The following SHOX2 variants were observed in gnomAD, a reference collection of about 807,000 sequenced individuals.
The protein encoded by SHOX2 is short stature homeobox protein 2.
In SHOX2, 13 loss-of-function variants were observed where a neutral mutation model predicts 31.3. That is an observed-to-expected ratio of 0.42 (90% CI 0.27 to 0.66). The LOEUF is 0.66. Ranked by LOEUF, SHOX2 falls within the 30% of genes least tolerant of loss-of-function variation. The pLI is 0.27. For synonymous variants in SHOX2, 244 were observed against 196.2 expected, an observed-to-expected ratio of 1.24 and a Z score of -2.04; for missense variants, 473 against 443.0, an observed-to-expected ratio of 1.07 and a Z score of -0.61.
At chr3:158,103,170 C>T (rs987543779) in intron 1 of SHOX2, 7 of 510,286 alleles carry the variant, frequency 1.4e-5, no homozygotes, top group Admixed American at 3.3e-5. Context: ...CACCGCCTCA[C>T]TATTCACCCC....
rs142921456 is a variant in SHOX2 at position 158,098,227 on chromosome 3, G to A, written c.760C>T (p.Pro254Ser). 5.3e-5 allele frequency: 86 copies of A among 1,613,970 alleles called. No individual in the cohort carries two copies. The highest frequency in any genetic ancestry group is 1.3e-4 in the South Asian group (12 of 91,048). Residue 254 changes from proline to serine, a missense_variant, in exon 5 of 5, where the codon CCG (proline) becomes TCG (serine). Physicochemically the swap from Pro to Ser is moderately conservative, Grantham distance 74. This residue lies in a region of SHOX2 where 182 missense variants were observed against 167.2 expected (regional missense o/e 1.09). Coordinates refer to ENST00000483851, the MANE Select transcript of SHOX2 (RefSeq NM_001163678.2). ...TAGGGCGCGTGCGCGGCCAGGTGCG[G>A]ATGCAGGTGGTGGTGCGCGTGCGCC... ...AVAHAHHHLH[P>S]HLAAHAPYMM...
chr3:158,105,228 G>A (rs564381782), intron 1 of SHOX2: 9 of 741,770 alleles, frequency 1.2e-5, no homozygotes, highest in Admixed American at 4.2e-5. Flanking sequence ...CTAGGCGACC[G>A]GAGGGTTAAG....
At position 158,105,658 on chromosome 3, in the gene SHOX2, G is replaced by A. The variant is rs528073381; in HGVS notation, c.346+21C>T. Reference sequence around the variant, plus strand: ...GAAGGCGGGAAGGGGAACCGCTGCCGGGGGTCAGTCAGGTCGTTACCCTCC... The same window carrying A: ...GAAGGCGGGAAGGGGAACCGCTGCCAGGGGTCAGTCAGGTCGTTACCCTCC... On this transcript the variant is annotated intron_variant, in intron 1 of 4. Coordinates refer to ENST00000483851, the MANE Select transcript of SHOX2 (RefSeq NM_001163678.2). 4 of 1,515,126 alleles carry A rather than the reference G, an allele frequency of 2.6e-6. No individual in the cohort carries two copies. The South Asian group carries it at 3.6e-5, about 14-fold the overall frequency. The allele number at this position is 1,515,126 out of a possible 1,614,324, so 93.9% of individuals were successfully genotyped here. A position where few individuals can be genotyped will look rare whatever the true frequency, so the allele number is the denominator to read the frequency against.
rs1171569203 is a variant in SHOX2, at chr3:158,106,230, TAAG to T, written c.-209_-207del. ...GGAGAAGTAGAAGGAGAAAAAGAAG[TAAG>T]AAGAGGAGGAGGAGGAAGAAGAGGA... On this transcript the variant is annotated 5_prime_UTR_variant, in exon 1 of 5. Transcript: ENST00000483851. The T allele has an allele frequency of 4.2e-6, 3 of 715,552 alleles. No individual in the cohort carries two copies. The highest frequency in any genetic ancestry group is 3.9e-5 in the Admixed American group (1 of 25,370). The allele number at this position is 715,552 out of a possible 1,614,324, so 44.3% of individuals were successfully genotyped here. A position where few individuals can be genotyped will look rare whatever the true frequency, so the allele number is the denominator to read the frequency against.
intron 1 of SHOX2, 194 bp from the exon 2 acceptor site, chr3:158,103,080 G>A (rs1481932647): frequency 1.5e-6 from 1 of 647,046 alleles, no homozygotes. Flanking sequence ...TCCCGGAGAA[G>A]CGCAAAGGTC....
At position 158,106,183 on chromosome 3, in the gene SHOX2, G is replaced by A; in HGVS notation, c.-159C>T. The stretch of plus-strand genomic sequence containing the variant: ...AGGAGGAGAAAGAAGAAGAAAAAGA[G>A]GAGAAGAAAGAAGAAAGAGGAGGAG... On this transcript the variant is annotated 5_prime_UTR_variant, in exon 1 of 5. Transcript: ENST00000483851. 8.2e-7 allele frequency: 1 copy of A among 1,225,608 alleles called. No homozygotes were observed. The highest frequency in any genetic ancestry group is 1.1e-6 in the Non-Finnish European group (1 of 901,874). The allele number at this position is 1,225,608 out of a possible 1,614,324, so 75.9% of individuals were successfully genotyped here.
In SHOX2 at chr3:158,098,114, TGCGGCCGCCACTACC is replaced by T; in HGVS notation, c.858_872del (p.Val287_Ala291del). 1 of 1,610,748 alleles carries T rather than the reference TGCGGCCGCCACTACC, an allele frequency of 6.2e-7. No individual in the cohort carries two copies. Among genetic ancestry groups the T allele is most frequent in the Non-Finnish European group, 8.5e-7 (1 of 1,179,126 alleles). On this transcript the variant is annotated inframe_deletion, in exon 5 of 5. Transcript: ENST00000483851. The stretch of plus-strand genomic sequence containing the variant: ...TCTTGCTGGTGGTCTTGGCGGCTGC[TGCGGCCGCCACTACC>T]GAGGCGGCGGAAGCCGAATCCGCGG...
In SHOX2 at chr3:158,099,886, C is replaced by T; in HGVS notation, c.676G>A (p.Gly226Ser). The T allele has an allele frequency of 6.2e-7, 1 of 1,614,114 alleles. No homozygotes were observed. Among genetic ancestry groups the T allele is most frequent in the Non-Finnish European group, 8.5e-7 (1 of 1,180,000 alleles). The part of the protein sequence containing the change: ...ACRVAPYVNV[G>S]ALRMPFQQVQ... ...TGCTGAAATGGCATCCTTAAAGCAC[C>T]TACGTTGACATAAGGTGCGACTCTA... is the stretch of plus-strand genomic sequence containing the variant. The change falls in exon 4 of 5, where the codon GGT (glycine) becomes AGT (serine). Residue 226 changes from glycine (G) to serine (S), a missense_variant. Coordinates refer to ENST00000483851, the MANE Select transcript of SHOX2 (RefSeq NM_001163678.2).
chr3:158,100,377 A>C, intron 2 of SHOX2, 66 bp from the exon 3 acceptor site: 2 of 1,220,632 alleles, frequency 1.6e-6, no homozygotes, highest in Non-Finnish European at 1.2e-6. Flanking sequence ...TTTAAATTAC[A>C]AAAGTACAAA....
In SHOX2 at chr3:158,102,651, G is replaced by A. The variant is rs781087760; in HGVS notation, c.555+27C>T. ...ACCCCAGGCTCTCTCTGCTCCCTGG[G>A]CCCTCGACCTCCTGGCAGCTGGGTA... On this transcript the variant is annotated intron_variant, in intron 2 of 4. Transcript: ENST00000483851. The A allele has an allele frequency of 4.4e-6, 7 of 1,603,338 alleles. No individual in the cohort carries two copies. In the South Asian group the frequency reaches 6.6e-5, roughly 15 times the overall value.
Position 158,100,318 on chromosome 3 carries a change from G to A in SHOX2, c.556-7C>T, listed in dbSNP as rs1010463445. On this transcript the variant is annotated splice_polypyrimidine_tract_variant and splice_region_variant and intron_variant, in intron 2 of 4. Transcript: ENST00000483851. ...TTCGATTTTGAAACCAAACCTATAG[G>A]TTGGAGGGGGAAAAAAAATAAAACC... 18 of 1,576,630 alleles carry A rather than the reference G, an allele frequency of 1.1e-5. No individual in the cohort carries two copies. The highest frequency in any genetic ancestry group is 2.1e-5 in the Admixed American group (1 of 48,040).
rs1713118621 is a variant in SHOX2, at chr3:158,096,889, A to AATATATATGTATAT, written c.*1137_*1138insATATACATATATAT. ...GTTCCCCAGGATCAAAGACAGGGCA[A>AATATATATGTATAT]ATATATATATATATATATATATATA... On this transcript the variant is annotated 3_prime_UTR_variant, in exon 5 of 5. Coordinates refer to ENST00000483851, the MANE Select transcript of SHOX2 (RefSeq NM_001163678.2). 1 of 23,098 alleles carries AATATATATGTATAT rather than the reference A, an allele frequency of 4.3e-5. No individual in the cohort carries two copies. The highest frequency in any genetic ancestry group is 6.3e-4 in the Admixed American group (1 of 1,588). 1.4% of individuals were successfully genotyped at this position (23,098 alleles called of 1,614,324 possible).
chr3:158,103,576 G>A (rs1300777976), intron 1 of SHOX2: 1 of 152,382 alleles, frequency 6.6e-6, no homozygotes, highest in African/African-American at 2.4e-5. Flanking sequence ...GGTAATCTCC[G>A]TCCCGCCTGC....
At chr3:158,098,812 G>A (rs544000086) in intron 4 of SHOX2, among the ~76,000 whole-genome samples, 22 of 152,222 alleles carry the variant, frequency 1.4e-4, no homozygotes, top group African/African-American at 5.1e-4. Context: ...CAGGGATCTC[G>A]TTAAAATTCA....
intron 2 of SHOX2, 136 bp downstream of exon 2, chr3:158,102,542 T>A (rs1713557676): frequency 1.5e-6 from 1 of 681,172 alleles, no homozygotes; most frequent in African/African-American, 1.8e-5. Context: ...ATAAGACCTC[T>A]AGTAAAGATA....
Position 158,102,857 on chromosome 3 carries a change from C to A in SHOX2, c.376G>T (p.Asp126Tyr), listed in dbSNP as rs1253169046. ...VSPELKDRKE[D>Y]AKGMEDEGQT... ...CCTTCGTCCTCCATCCCTTTCGCAT[C>A]CTCTTTGCGATCTTTCAGCTCCGGG... The change falls in exon 2 of 5, where the codon GAT becomes TAT. Residue 126 changes from aspartate (D) to tyrosine (Y), a missense_variant. By Grantham distance (160) the Asp-to-Tyr change is radical. Coordinates refer to ENST00000483851, the MANE Select transcript of SHOX2 (RefSeq NM_001163678.2). 1 of 1,613,990 alleles carries A rather than the reference C, an allele frequency of 6.2e-7. No homozygotes were observed. The highest frequency in any genetic ancestry group is 1.7e-5 in the Admixed American group (1 of 59,998).
intron 1 of SHOX2, chr3:158,103,142 C>T (rs972116916): frequency 3.6e-6 from 2 of 557,810 alleles, no homozygotes; most frequent in African/African-American, 3.8e-5. Context: ...CCACCTCCTT[C>T]ACAAACGTAC....
At position 158,105,785 on chromosome 3, in the gene SHOX2, T is replaced by TCCTCCTACACCTCCTCCG; in HGVS notation, c.222_239dup (p.Gly77_Gly82dup). ...CTCCAGCTCCTCCGCCTGCTCCTCCTCCTCCTACACCTCCTCCGCCTCCTC... is the reference window on the plus strand; with the variant it reads ...CTCCAGCTCCTCCGCCTGCTCCTCCTCCTCCTACACCTCCTCCGCCTCCTACACCTCCTCCGCCTCCTC... On this transcript the variant is annotated inframe_insertion, in exon 1 of 5. Coordinates refer to ENST00000483851, the MANE Select transcript of SHOX2 (RefSeq NM_001163678.2). The TCCTCCTACACCTCCTCCG allele has an allele frequency of 6.6e-7, 1 of 1,505,894 alleles. No homozygotes were observed. The highest frequency in any genetic ancestry group is 1.2e-5 in the South Asian group (1 of 80,930). 93.3% of individuals were successfully genotyped at this position (1,505,894 alleles called of 1,614,324 possible).
At chr3:158,105,272 A>C in intron 1 of SHOX2, 1 of 631,828 alleles carries the variant, frequency 1.6e-6, no homozygotes, top group Non-Finnish European at 2.8e-6. Flanking sequence ...CTCCCGGCAA[A>C]CTCTGCGCTA....
Sources: allele counts gnomAD v4.1 joint callset (sites outside exome capture counted in the v4.1 genomes callset), GRCh38; gene constraint gnomAD v4.1.1; regional missense constraint gnomAD v4.1.1; transcripts MANE v1.5; gene names NCBI Gene and HGNC (gene_info 2026-07-23, HGNC 2026-07-21).